The following MIDN variants were observed in gnomAD, a reference collection of about 807,000 sequenced individuals.
The protein encoded by MIDN is midnolin.
MIDN carries 26 observed loss-of-function variants against 46.1 expected under a neutral mutation model. That is an observed-to-expected ratio of 0.56 (90% confidence interval 0.41 to 0.78). The LOEUF (loss-of-function observed/expected upper bound fraction) is 0.78. Among genes scored for constraint, MIDN ranks in the 30% least tolerant of loss-of-function variants. The pLI, the probability that MIDN is intolerant of heterozygous loss-of-function variation, is 0.00. For missense variants in MIDN, 850 were observed against 771.8 expected, an observed-to-expected ratio of 1.10 and a Z score of -1.20; for synonymous variants, 432 against 343.3, an observed-to-expected ratio of 1.26 and a Z score of -2.86.
chr19:1,257,348 CG>C lies in MIDN; in HGVS notation c.*77del. The stretch of plus-strand genomic sequence containing the variant: ...GGGACTCCGAGAGCCCCGGAGAGAA[CG>C]TGGCCCAGCCCTGGAGGGCAGGCGG... On this transcript the variant is annotated 3_prime_UTR_variant, in exon 9 of 9. Transcript: ENST00000682408. 7.6e-7 allele frequency: 1 copy of C among 1,309,760 alleles called. No homozygotes were observed. 81.1% of individuals were successfully genotyped at this position (1,309,760 alleles called of 1,614,324 possible). A position where few individuals can be genotyped will look rare whatever the true frequency, so the allele number is the denominator to read the frequency against.
At chr19:1,249,736 T>G (rs1051670998) in intron 1 of MIDN, among the ~76,000 whole-genome samples, 154 bp from the exon 2 acceptor site, 6 of 149,610 alleles carry the variant, frequency 4.0e-5, no homozygotes, top group Non-Finnish European at 7.4e-5. Context: ...GCGGCTCTCA[T>G]AGGCCCGGGC....
rs1359597924 is a variant in MIDN, at chr19:1,249,895, C to T, written c.-402C>T. 1.3e-5 allele frequency: 2 copies of T among 152,078 alleles called. No homozygotes were observed. Among genetic ancestry groups the T allele is most frequent in the African/African-American group, 4.8e-5 (2 of 41,436 alleles). 9.4% of individuals were successfully genotyped at this position (152,078 alleles called of 1,614,324 possible). The stretch of plus-strand genomic sequence containing the variant: ...CTTGTTACTTTCACCCCCAGATCCT[C>T]CGAGCGGCGGCGACGGCTGTTGCTA... On this transcript the variant is annotated 5_prime_UTR_variant, in exon 2 of 9. Transcript: ENST00000682408.
In MIDN at chr19:1,254,097, G is replaced by C. The variant is rs1198129596; in HGVS notation, c.513+15G>C. On this transcript the variant is annotated intron_variant, in intron 5 of 8. Coordinates refer to ENST00000682408, the MANE Select transcript of MIDN (RefSeq NM_001388306.1). ...AGAGGCCCCAGGTCACAGCGCGGGG[G>C]GACTGGGCCGGGCTGGGCTGGGGGC... is the stretch of plus-strand genomic sequence containing the variant. 2.6e-6 allele frequency: 4 copies of C among 1,533,790 alleles called. No individual in the cohort carries two copies. The highest frequency in any genetic ancestry group is 3.5e-6 in the Non-Finnish European group (4 of 1,147,338).
intron 4 of MIDN, among the ~76,000 whole-genome samples, chr19:1,252,386 C>T (rs1186379683): frequency 6.6e-6 from 1 of 151,794 alleles, no homozygotes; most frequent in Admixed American, 6.6e-5. Context: ...CCCTCCCCTC[C>T]TCTCTCTGGC....
rs1035204026 is a variant in MIDN, at chr19:1,253,914, G to C, written c.385-40G>C. 1.2e-5 allele frequency: 16 copies of C among 1,365,436 alleles called. No individual in the cohort carries two copies. The African/African-American group carries it at 2.0e-4, about 17-fold the overall frequency. The allele number at this position is 1,365,436 out of a possible 1,614,324, so 84.6% of individuals were successfully genotyped here. On this transcript the variant is annotated intron_variant, in intron 4 of 8. Transcript: ENST00000682408. ...TGCAAGACCGACCTAGTTGGCCAGG[G>C]AGGGGCAGGCCCCCGTCTGACCCGC...
intron 4 of MIDN, among the ~76,000 whole-genome samples, chr19:1,253,433 A>G (rs867922268): frequency 3.5e-4 from 41 of 117,954 alleles, no homozygotes; most frequent in Non-Finnish European, 3.0e-4. Context: ...CCCCCCCCCC[A>G]TCCCGGCCAC....
chr19:1,254,796 G>T (rs2081177590), intron 6 of MIDN, 106 bp from the exon 7 acceptor site: 1 of 1,308,810 alleles, frequency 7.6e-7, no homozygotes, highest in Admixed American at 2.2e-5. Context: ...ACCCTGTGTT[G>T]ACAGGTCATC....
At chr19:1,255,378 G>T (rs1427221202) in intron 7 of MIDN, 44 bp from the exon 8 acceptor site, 2 of 1,536,238 alleles carry the variant, frequency 1.3e-6, no homozygotes, top group South Asian at 1.2e-5. Flanking sequence ...TGGACATGCG[G>T]GACTGTGCCC....
rs1187597696 is a variant in MIDN, at chr19:1,250,635, C to A, written c.233+106C>A. On this transcript the variant is annotated intron_variant, in intron 2 of 8. Coordinates refer to ENST00000682408, the MANE Select transcript of MIDN (RefSeq NM_001388306.1). ...AGGCAGGGGGCGGCCAGACAGGGGGCGGGGGCGCGCCGCGCGCTCTCGGGC... is the reference window on the plus strand; with the variant it reads ...AGGCAGGGGGCGGCCAGACAGGGGGAGGGGGCGCGCCGCGCGCTCTCGGGC... 8.4e-6 allele frequency: 4 copies of A among 476,616 alleles called. No homozygotes were observed. In the South Asian group the frequency reaches 3.5e-4, roughly 42 times the overall value. 29.5% of individuals were successfully genotyped at this position (476,616 alleles called of 1,614,324 possible).
rs949267939 is a variant in MIDN at position 1,258,098 on chromosome 19, C to G, written c.*826C>G. The G allele has an allele frequency of 6.6e-6, 1 of 152,594 alleles. No individual in the cohort carries two copies. The highest frequency in any genetic ancestry group is 1.9e-4 in the East Asian group (1 of 5,198). 9.5% of individuals were successfully genotyped at this position (152,594 alleles called of 1,614,324 possible). ...CGGACTGTGCTGTTTCCTCCGCCCC[C>G]ACTCCCGTGTTTTCTGACCTCCTGC... On this transcript the variant is annotated 3_prime_UTR_variant, in exon 9 of 9. Coordinates refer to ENST00000682408, the MANE Select transcript of MIDN (RefSeq NM_001388306.1).
At position 1,249,870 on chromosome 19, in the gene MIDN, C is replaced by G. The variant is rs1225241947; in HGVS notation, c.-407-20C>G. 1 of 151,716 alleles carries G rather than the reference C, an allele frequency of 6.6e-6. No homozygotes were observed. Among genetic ancestry groups the G allele is most frequent in the African/African-American group, 2.4e-5 (1 of 41,364 alleles). 9.4% of individuals were successfully genotyped at this position (151,716 alleles called of 1,614,324 possible). On this transcript the variant is annotated intron_variant, in intron 1 of 8. Transcript: ENST00000682408. ...CGTTGATACATTATAACTTTTTTTT[C>G]TTGTTACTTTCACCCCCAGATCCTC...
At chr19:1,250,579 G>T in intron 2 of MIDN, 50 bp downstream of exon 2, 1 of 1,034,286 alleles carries the variant, frequency 9.7e-7, no homozygotes, top group African/African-American at 1.7e-5. Flanking sequence ...CCCGGCCCCC[G>T]GGCGGGAACA....
intron 5 of MIDN, 32 bp downstream of exon 5, chr19:1,254,114 G>T (rs778678643): frequency 1.6e-5 from 25 of 1,553,704 alleles, no homozygotes; most frequent in Non-Finnish European, 2.1e-5. Flanking sequence ...GCCGGGCTGG[G>T]CTGGGGGCGC....
intron 1 of MIDN, among the ~76,000 whole-genome samples, chr19:1,249,263 C>A (rs887272560): frequency 6.7e-6 from 1 of 149,654 alleles, no homozygotes; most frequent in Non-Finnish European, 1.5e-5. Flanking sequence ...GCGGGCGCCC[C>A]GCCCCGGCCA....
At chr19:1,253,424 C>T (rs562906827) in intron 4 of MIDN, among the ~76,000 whole-genome samples, 9 of 143,814 alleles carry the variant, frequency 6.3e-5, no homozygotes, top group Non-Finnish European at 1.0e-4. Context: ...CTCCGCCACC[C>T]CCCCCCCCAT....
At chr19:1,251,290 A>T in intron 2 of MIDN, 1 of 474,418 alleles carries the variant, frequency 2.1e-6, no homozygotes. Context: ...AGAGGAGGAG[A>T]AAGTGCCTGG....
rs749789979 is a variant in MIDN, at chr19:1,255,278, C to T, written c.986-144C>T. ...GCGCCTGCATACTGGGGACGTGTCCCGCTCCCGCCCCGTGGTCCCTCGTGC... is the reference window on the plus strand; with the variant it reads ...GCGCCTGCATACTGGGGACGTGTCCTGCTCCCGCCCCGTGGTCCCTCGTGC... On this transcript the variant is annotated intron_variant, in intron 7 of 8. Transcript: ENST00000682408. 198 of 1,219,886 alleles carry T rather than the reference C, an allele frequency of 1.6e-4. 1 individual carries two copies. The highest frequency in any genetic ancestry group is 2.0e-4 in the African/African-American group (13 of 65,626). The allele number at this position is 1,219,886 out of a possible 1,614,324, so 75.6% of individuals were successfully genotyped here. A position where few individuals can be genotyped will look rare whatever the true frequency, so the allele number is the denominator to read the frequency against.
At chr19:1,255,982 G>A (rs1465994312) in intron 8 of MIDN, among the ~76,000 whole-genome samples, 1 of 152,258 alleles carries the variant, frequency 6.6e-6, no homozygotes, top group Non-Finnish European at 1.5e-5. Flanking sequence ...GAATGGCCAA[G>A]TCAGGCCTGG....
rs774943277 is a variant in MIDN at position 1,257,194 on chromosome 19, C to T, written c.1458C>T (p.Gly486=). ...GGGGSPSEAS[G]LGLDFEDSVW... The stretch of plus-strand genomic sequence containing the variant: ...GCGGCAGCCCCAGCGAGGCCTCCGG[C>T]TTGGGCCTCGACTTCGAGGACTCCG... The change falls in exon 9 of 9, where the codon GGC becomes GGT. Residue 486 remains glycine (G), a synonymous_variant. Coordinates refer to ENST00000682408, the MANE Select transcript of MIDN (RefSeq NM_001388306.1). 1 of 1,612,100 alleles carries T rather than the reference C, an allele frequency of 6.2e-7. No homozygotes were observed.
Sources: allele counts gnomAD v4.1 joint callset (sites outside exome capture counted in the v4.1 genomes callset), GRCh38; gene constraint gnomAD v4.1.1; transcripts MANE v1.5; gene names NCBI Gene and HGNC (gene_info 2026-07-23, HGNC 2026-07-21).